The following ANK2 variants were observed in gnomAD, a reference collection of about 807,000 sequenced individuals.
The protein encoded by ANK2 is ankyrin 2.
In ANK2, 83 loss-of-function variants were observed where a neutral mutation model predicts 360.5. That is an observed-to-expected ratio of 0.23 (90% CI 0.19 to 0.28). ANK2 has a LOEUF of 0.28. Ranked by LOEUF, ANK2 falls within the 10% of genes least tolerant of loss-of-function variation. ANK2 has a pLI of 1.00. For synonymous variants in ANK2, 1,740 were observed against 1,759.5 expected, an observed-to-expected ratio of 0.99 and a Z score of 0.28; for missense variants, 4,201 against 4,795.7, an observed-to-expected ratio of 0.88 and a Z score of 3.66.
At chr4:113,031,050 T>C (rs1579478265) in intron 2 of ANK2, among the ~76,000 whole-genome samples, 1 of 152,152 alleles carries the variant, frequency 6.6e-6, no homozygotes, top group East Asian at 1.9e-4. Context: ...ACTAAGATAA[T>C]GAATGGTCAT....
the ANK2 span, among the ~76,000 whole-genome samples, chr4:112,769,353 A>G: frequency 6.6e-6 from 1 of 152,244 alleles, no homozygotes; most frequent in Non-Finnish European, 1.5e-5. Flanking sequence ...GCACAGAGTC[A>G]GAGTCGGGGA....
intron 2 of ANK2, among the ~76,000 whole-genome samples, chr4:113,009,719 C>G (rs34380952): frequency 0.021 from 3,269 of 152,200 alleles, 46 homozygotes; most frequent in Non-Finnish European, 0.034. Flanking sequence ...ATTTGGATTT[C>G]TCAACATTTG....
intron 26 of ANK2, among the ~76,000 whole-genome samples, chr4:113,327,328 T>G (rs900709104): frequency 1.5e-4 from 23 of 152,214 alleles, no homozygotes; most frequent in African/African-American, 5.1e-4. Context: ...TCTCTCTATA[T>G]ACATTAGAGC....
chr4:112,804,269 C>G, the ANK2 span, among the ~76,000 whole-genome samples: 3 of 152,170 alleles, frequency 2.0e-5, no homozygotes, highest in Non-Finnish European at 4.4e-5. Flanking sequence ...ATCTGCGCAC[C>G]TCGGCCTCCC....
chr4:112,731,231 C>T, the ANK2 span, among the ~76,000 whole-genome samples: 25 of 141,290 alleles, frequency 1.8e-4, no homozygotes, highest in African/African-American at 6.1e-4. Flanking sequence ...GTTGAGGTTG[C>T]AGTGAGCCAT....
intron 4 of ANK2, among the ~76,000 whole-genome samples, chr4:113,208,821 T>TC (rs2098986317): frequency 6.6e-6 from 1 of 151,902 alleles, no homozygotes; most frequent in Non-Finnish European, 1.5e-5. Flanking sequence ...TTGGTTTTGG[T>TC]GAGGAGAGTA....
chr4:113,287,783 T>A, intron 19 of ANK2, 80 bp downstream of exon 19: 1 of 1,126,968 alleles, frequency 8.9e-7, no homozygotes, highest in South Asian at 1.3e-5. Flanking sequence ...TCACCCCATG[T>A]CCAGGGTCTT....
upstream of ANK2, among the ~76,000 whole-genome samples, chr4:112,814,623 T>G (rs1453218674): frequency 1.3e-5 from 2 of 151,908 alleles, no homozygotes; most frequent in Non-Finnish European, 2.9e-5. Flanking sequence ...AATTTTTAAA[T>G]TTTTTTTAGG....
chr4:112,726,692 A>G, the ANK2 span, among the ~76,000 whole-genome samples: 1 of 152,074 alleles, frequency 6.6e-6, no homozygotes, highest in Non-Finnish European at 1.5e-5. Flanking sequence ...TCTACTAAAA[A>G]TACAAAAAAT....
In ANK2 at chr4:113,339,195, C is replaced by T. The variant is rs199712766; in HGVS notation, c.3797-31C>T. On this transcript the variant is annotated intron_variant, in intron 31 of 45. Coordinates refer to ENST00000357077, the MANE Select transcript of ANK2 (RefSeq NM_001148.6). ...TAGAATCTAGAGTCTGGAGTTTTGCCTGATTTTTTTCAACAATCATATTAT... is the reference window on the plus strand; with the variant it reads ...TAGAATCTAGAGTCTGGAGTTTTGCTTGATTTTTTTCAACAATCATATTAT... 14 of 1,564,810 alleles carry T rather than the reference C, an allele frequency of 8.9e-6. No homozygotes were observed. The African/African-American group carries it at 1.9e-4, about 21-fold the overall frequency.
intron 1 of ANK2, among the ~76,000 whole-genome samples, chr4:113,060,088 T>G (rs546016045): frequency 3.3e-5 from 5 of 152,210 alleles, no homozygotes; most frequent in Admixed American, 2.6e-4. Context: ...ATTCTGGTCC[T>G]TTTTAGAAGG....
chr4:112,840,165 G>A (rs947930613), intron 1 of ANK2, among the ~76,000 whole-genome samples: 3 of 152,166 alleles, frequency 2.0e-5, no homozygotes, highest in Non-Finnish European at 2.9e-5. Flanking sequence ...GTTTCCCAGT[G>A]TGGTTTGTAG....
intron 2 of ANK2, among the ~76,000 whole-genome samples, chr4:112,926,124 G>A (rs1168062439): frequency 6.6e-6 from 1 of 152,142 alleles, no homozygotes; most frequent in African/African-American, 2.4e-5. Context: ...AGTAGTGTCA[G>A]GGAGACAGTA....
intron 2 of ANK2, among the ~76,000 whole-genome samples, chr4:113,192,740 C>T (rs936023575): frequency 6.6e-6 from 1 of 151,658 alleles, no homozygotes; most frequent in Non-Finnish European, 1.5e-5. Context: ...AATAGTGATT[C>T]CTATGTCATT....
In ANK2 at chr4:113,336,471, G is replaced by A. The variant is rs1015011638; in HGVS notation, c.3592-106G>A. 2.7e-5 allele frequency: 29 copies of A among 1,084,630 alleles called. No homozygotes were observed. In the African/African-American group the frequency reaches 6.4e-4, roughly 24 times the overall value. 67.2% of individuals were successfully genotyped at this position (1,084,630 alleles called of 1,614,324 possible). The stretch of plus-strand genomic sequence containing the variant: ...TGAAGCCCACCAAACTTATTTGTAA[G>A]ATAAAAAATACTTTGGGGAAGAAAT... On this transcript the variant is annotated intron_variant, in intron 30 of 45. Coordinates refer to ENST00000357077, the MANE Select transcript of ANK2 (RefSeq NM_001148.6).
Position 113,318,690 on chromosome 4 carries a change from T to C in ANK2, c.2900+70T>C, listed in dbSNP as rs1238843868. ...GATGGGAGTGAAAACAACAGCTTTG[T>C]CCAGTAGCTTTAGCTGGTGGCTAGC... On this transcript the variant is annotated intron_variant, in intron 26 of 45. Transcript: ENST00000357077. 6.9e-6 allele frequency: 9 copies of C among 1,311,228 alleles called. No homozygotes were observed. The Admixed American group carries it at 9.7e-5, about 14-fold the overall frequency. 81.2% of individuals were successfully genotyped at this position (1,311,228 alleles called of 1,614,324 possible). A position where few individuals can be genotyped will look rare whatever the true frequency, so the allele number is the denominator to read the frequency against.
intron 24 of ANK2, among the ~76,000 whole-genome samples, chr4:113,317,141 C>T (rs1458461883): frequency 6.6e-6 from 1 of 152,164 alleles, no homozygotes; most frequent in Non-Finnish European, 1.5e-5. Flanking sequence ...ATGCATCTGG[C>T]CACAGTTCAT....
rs538917288 is a variant in ANK2, at chr4:113,060,931, G to A, written c.84+11119G>A. 1.7e-4 allele frequency among the ~76,000 whole-genome samples: 26 copies of A among 152,012 alleles called. 2 individuals carry two copies. The highest frequency in any genetic ancestry group is 5.3e-4 in the African/African-American group (22 of 41,480). ...TAGCATAGCCTCTCTAATATAAGGG[G>A]GAATTTGTTAGTGAGTTCATGTTGC... On this transcript the variant is annotated intron_variant, in intron 1 of 45. Transcript: ENST00000357077.
At chr4:113,204,583 T>G (rs926140524) in intron 4 of ANK2, among the ~76,000 whole-genome samples, 2 of 152,202 alleles carry the variant, frequency 1.3e-5, no homozygotes, top group Non-Finnish European at 2.9e-5. Flanking sequence ...CAACAATGAA[T>G]AGTCTCATTT....
Sources: allele counts gnomAD v4.1 joint callset (sites outside exome capture counted in the v4.1 genomes callset), GRCh38; gene constraint gnomAD v4.1.1; transcripts MANE v1.5; gene names NCBI Gene and HGNC (gene_info 2026-07-23, HGNC 2026-07-21).